The following MXD1 variants were observed in gnomAD, a reference collection of about 807,000 sequenced individuals.
MXD1 encodes MAX-binding protein.
Under a neutral mutation model 25.7 loss-of-function variants are expected in MXD1, and 9 were observed. That is an observed-to-expected ratio of 0.35 (90% CI 0.21 to 0.61). The LOEUF is 0.61. Ranked by LOEUF, MXD1 falls within the 20% of genes least tolerant of loss-of-function variation. The pLI is 0.75. For synonymous variants in MXD1, 99 were observed against 113.9 expected (o/e 0.87, Z 0.83); for missense variants, 227 against 292.4 (o/e 0.78, Z 1.63).
Position 69,937,273 on chromosome 2 carries a change from C to T in MXD1, c.357C>T (p.Ile119=), listed in dbSNP as rs141349752. 1.3e-4 allele frequency: 211 copies of T among 1,614,122 alleles called. No individual in the cohort carries two copies. Among genetic ancestry groups the T allele is most frequent in the African/African-American group, 3.1e-4 (23 of 75,056 alleles). The change falls in exon 5 of 6, where the codon ATC becomes ATT. Residue 119 remains isoleucine (I), a synonymous_variant. Transcript: ENST00000264444. ...GTGACAGAAAAGCCGTTCACCAAAT[C>T]GACCAGCTTCAGCGAGAGCAGCGAC... The part of the protein sequence containing the change: ...EDCDRKAVHQ[I]DQLQREQRHL...
In MXD1 at chr2:69,915,449, C is replaced by T. The variant is rs779736964; in HGVS notation, c.73+46C>T. On this transcript the variant is annotated intron_variant, in intron 1 of 5. Coordinates refer to ENST00000264444, the MANE Select transcript of MXD1 (RefSeq NM_002357.4). This position sits in a 1 kb window ranked among gnomAD's most constrained non-coding sequence, Gnocchi z 5.8. ...GTCCACTCGAAACGAGGCCGGGGGT[C>T]CTGTGGGGCCGGCCTCAGGTCCGGG... 1.6e-6 allele frequency: 2 copies of T among 1,248,310 alleles called. No homozygotes were observed. The highest frequency in any genetic ancestry group is 4.2e-5 in the Admixed American group (1 of 23,780). The allele number at this position is 1,248,310 out of a possible 1,614,324, so 77.3% of individuals were successfully genotyped here. A position where few individuals can be genotyped will look rare whatever the true frequency, so the allele number is the denominator to read the frequency against.
chr2:69,937,422 C>A, intron 5 of MXD1, 28 bp downstream of exon 5: 2 of 1,559,078 alleles, frequency 1.3e-6, no homozygotes, highest in Non-Finnish European at 1.7e-6. Context: ...TCCTCCCTGT[C>A]TCCCTTGTGC....
intron 2 of MXD1, among the ~76,000 whole-genome samples, chr2:69,921,298 G>A (rs912618131): frequency 6.6e-6 from 1 of 152,170 alleles, no homozygotes; most frequent in South Asian, 2.1e-4. Context: ...ATATAGTCAA[G>A]CAACTTTACA....
At chr2:69,933,794 A>G (rs1024032359) in intron 3 of MXD1, among the ~76,000 whole-genome samples, 2 of 152,236 alleles carry the variant, frequency 1.3e-5, no homozygotes, top group Admixed American at 1.3e-4. Context: ...TCTTTGGTCT[A>G]TATTTTCAAC....
Position 69,915,931 on chromosome 2 carries a change from C to T in MXD1, c.74-190C>T, listed in dbSNP as rs1676953660. Among the ~76,000 whole-genome samples the T allele has an allele frequency of 6.6e-6, 1 of 152,272 alleles. No individual in the cohort carries two copies. The highest frequency in any genetic ancestry group is 1.9e-4 in the East Asian group (1 of 5,196). On this transcript the variant is annotated intron_variant, in intron 1 of 5. Transcript: ENST00000264444. The surrounding 1 kb of genome is among the most constrained non-coding windows in gnomAD (Gnocchi z 5.8). ...ATGAGCAGCTGGAATCCTCCTTACA[C>T]CTGCTCCGAATTGACGATATTCACA...
intron 3 of MXD1, among the ~76,000 whole-genome samples, chr2:69,925,657 A>G (rs1677155493): frequency 6.6e-6 from 1 of 152,156 alleles, no homozygotes. Context: ...ACATTACTTA[A>G]TGCCCAGTAT....
rs1427266627 is a variant in MXD1 at position 69,938,092 on chromosome 2, T to C, written c.479-5T>C. ...CAATGTCCTTCTCTCTTGTCCTCCC[T>C]GCAGAAGAAATCGACGTTGACGTGG... On this transcript the variant is annotated splice_polypyrimidine_tract_variant and splice_region_variant and intron_variant, in intron 5 of 5. Transcript: ENST00000264444. 17 of 1,613,454 alleles carry C rather than the reference T, an allele frequency of 1.1e-5. No homozygotes were observed. The highest frequency in any genetic ancestry group is 8.8e-5 in the South Asian group (8 of 91,064).
rs1392318169 is a variant in MXD1, at chr2:69,942,795, G to A, written c.*4511G>A. On this transcript the variant is annotated 3_prime_UTR_variant, in exon 6 of 6. Coordinates refer to ENST00000264444, the MANE Select transcript of MXD1 (RefSeq NM_002357.4). ...TAAATATGACGCCAATGTAAATCCTGTGTCAAGATCATAGAGAATGGTGCT... is the reference window on the plus strand; with the variant it reads ...TAAATATGACGCCAATGTAAATCCTATGTCAAGATCATAGAGAATGGTGCT... 1.3e-5 allele frequency: 2 copies of A among 152,144 alleles called. No individual in the cohort carries two copies. The highest frequency in any genetic ancestry group is 4.8e-5 in the African/African-American group (2 of 41,426). The allele number at this position is 152,144 out of a possible 1,614,324, so 9.4% of individuals were successfully genotyped here.
At chr2:69,920,145 C>T (rs569045467) in intron 2 of MXD1, among the ~76,000 whole-genome samples, 4 of 152,272 alleles carry the variant, frequency 2.6e-5, no homozygotes, top group South Asian at 2.1e-4. Context: ...CGCGCCACCA[C>T]GCCCGGCTAA....
intron 3 of MXD1, among the ~76,000 whole-genome samples, chr2:69,928,581 G>A (rs1677215112): frequency 6.6e-6 from 1 of 151,852 alleles, no homozygotes; most frequent in Non-Finnish European, 1.5e-5. Flanking sequence ...TGTATCCCAA[G>A]ACTTGCTGGG....
In MXD1 at chr2:69,933,092, A is replaced by G. The variant is rs373066916; in HGVS notation, c.204-2259A>G. Among the ~76,000 whole-genome samples, 20 of 150,916 alleles carry G rather than the reference A, an allele frequency of 1.3e-4. No individual in the cohort carries two copies. The East Asian group carries it at 3.2e-3, about 24-fold the overall frequency. ...CGGGCGCCTGTAATCCCAGATACTC[A>G]GGAGGCTGAAGAAGGAGAATCTGTT... On this transcript the variant is annotated intron_variant, in intron 3 of 5. Coordinates refer to ENST00000264444, the MANE Select transcript of MXD1 (RefSeq NM_002357.4).
intron 3 of MXD1, among the ~76,000 whole-genome samples, chr2:69,932,233 T>C (rs1677303786): frequency 6.6e-6 from 1 of 152,140 alleles, no homozygotes; most frequent in South Asian, 2.1e-4. Flanking sequence ...TATGTGTGTC[T>C]GTGTATGTGT....
rs1325893522 is a variant in MXD1, at chr2:69,924,748, CT to C, written c.203+2984del. Among the ~76,000 whole-genome samples the C allele has an allele frequency of 1.9e-3, 74 of 38,536 alleles. No individual in the cohort carries two copies. In the African/African-American group the frequency reaches 0.02, roughly 11 times the overall value. The allele number at this position is 38,536 out of a possible 152,430, so 25.3% of individuals were successfully genotyped here. ...CAAGTGTAAAAAGATTGCCATGGCT[CT>C]CAAAAAAAAAAGGAAGAAGAAGAAA... On this transcript the variant is annotated intron_variant, in intron 3 of 5. Transcript: ENST00000264444.
chr2:69,929,084 G>A (rs1677225333), intron 3 of MXD1, among the ~76,000 whole-genome samples: 1 of 152,146 alleles, frequency 6.6e-6, no homozygotes, highest in Non-Finnish European at 1.5e-5. Flanking sequence ...AGTAGAGATG[G>A]GTTTCGCCAT....
rs72904970 is a variant in MXD1, at chr2:69,935,293, G to A, written c.204-58G>A. The A allele has an allele frequency of 9.2e-4, 1,123 of 1,225,400 alleles. 10 individuals are homozygous for A. The African/African-American group carries it at 0.015, about 16-fold the overall frequency. 75.9% of individuals were successfully genotyped at this position (1,225,400 alleles called of 1,614,324 possible). ...CACTCTTTGAGAACTCATTCTGCCT[G>A]GGGTGCTTCTGGCCCACTGTGAAAC... On this transcript the variant is annotated intron_variant, in intron 3 of 5. Transcript: ENST00000264444.
rs147787988 is a variant in MXD1 at position 69,936,012 on chromosome 2, C to T, written c.318+547C>T. On this transcript the variant is annotated intron_variant, in intron 4 of 5. Coordinates refer to ENST00000264444, the MANE Select transcript of MXD1 (RefSeq NM_002357.4). ...TTGCCTCTGCAGCACCATCTTGTTC[C>T]CCAATTCCCCTTTCTCCAGCCCTTC... 3.7e-3 allele frequency among the ~76,000 whole-genome samples: 558 copies of T among 152,152 alleles called. 1 individual carries two copies. Among genetic ancestry groups the T allele is most frequent in the Non-Finnish European group, 5.7e-3 (390 of 67,998 alleles).
At chr2:69,918,045 G>A (rs1425446959) in intron 2 of MXD1, among the ~76,000 whole-genome samples, 6 of 152,178 alleles carry the variant, frequency 3.9e-5, no homozygotes, top group African/African-American at 1.2e-4. Flanking sequence ...CTTTCAGTGT[G>A]ATCATTTCCT....
chr2:69,934,336 A>G (rs968673381), intron 3 of MXD1, among the ~76,000 whole-genome samples: 1 of 152,236 alleles, frequency 6.6e-6, no homozygotes, highest in Non-Finnish European at 1.5e-5. Flanking sequence ...TTACATTCAT[A>G]GAATTTTCCA....
chr2:69,919,026 C>T (rs1677011787), intron 2 of MXD1, among the ~76,000 whole-genome samples: 1 of 152,194 alleles, frequency 6.6e-6, no homozygotes, highest in African/African-American at 2.4e-5. Flanking sequence ...ATGTGTTTAA[C>T]ACTCGAGTAA....
Sources: gnomAD v4.1 joint callset for allele counts (sites outside exome capture counted in the v4.1 genomes callset) on GRCh38, gnomAD v4.1.1 for gene constraint, Gnocchi (gnomAD v3.1) non-coding constraint, MANE v1.5 for transcripts, NCBI Gene and HGNC (gene_info 2026-07-23, HGNC 2026-07-21) for gene names.